The following SMG6 variants were observed in gnomAD, a reference collection of about 807,000 sequenced individuals.
The protein encoded by SMG6 is SMG6 nonsense mediated mRNA decay factor.
In SMG6, 66 loss-of-function variants were observed where a neutral mutation model predicts 142.2. That is an observed-to-expected ratio of 0.46 (90% confidence interval 0.38 to 0.57). SMG6 has a LOEUF of 0.57. SMG6 is among the 20% of genes least tolerant of loss of function. SMG6 has a pLI of 0.00. For synonymous variants in SMG6, 779 were observed against 702.4 expected, an observed-to-expected ratio of 1.11 and a Z score of -1.72; for missense variants, 1,793 against 1,832.0, an observed-to-expected ratio of 0.98 and a Z score of 0.39.
chr17:2,197,424 G>C (rs565768031), intron 10 of SMG6, among the ~76,000 whole-genome samples: 10 of 152,112 alleles, frequency 6.6e-5, no homozygotes, highest in Non-Finnish European at 1.3e-4. Flanking sequence ...TAATTAGCTG[G>C]ATGTGGTAAC....
chr17:2,108,387 C>T (rs1431569794), intron 13 of SMG6, among the ~76,000 whole-genome samples: 3 of 152,174 alleles, frequency 2.0e-5, no homozygotes, highest in Non-Finnish European at 4.4e-5. Context: ...AAGGCCGAGG[C>T]GGGCGGGTAA....
At chr17:2,213,065 G>C (rs2072912161) in intron 10 of SMG6, among the ~76,000 whole-genome samples, 1 of 152,224 alleles carries the variant, frequency 6.6e-6, no homozygotes, top group South Asian at 2.1e-4. Flanking sequence ...GTGAAGGGGT[G>C]TGCTATGAGT....
intron 8 of SMG6, among the ~76,000 whole-genome samples, chr17:2,260,496 A>T (rs2074286953): frequency 6.6e-6 from 1 of 152,220 alleles, no homozygotes; most frequent in African/African-American, 2.4e-5. Flanking sequence ...CAAAAGTCAA[A>T]GCAAACACCT....
chr17:2,252,675 C>T (rs1352685814), intron 8 of SMG6, among the ~76,000 whole-genome samples: 1 of 152,102 alleles, frequency 6.6e-6, no homozygotes, highest in South Asian at 2.1e-4. Flanking sequence ...TGTCTATCAC[C>T]TGAACAGCTT....
chr17:2,205,021 T>A (rs2072635739), intron 10 of SMG6, among the ~76,000 whole-genome samples: 1 of 152,132 alleles, frequency 6.6e-6, no homozygotes, highest in Non-Finnish European at 1.5e-5. Flanking sequence ...AATTTGTCAA[T>A]ACACTTACCG....
intron 2 of SMG6, 41 bp from the exon 3 acceptor site, chr17:2,298,096 A>T: frequency 6.5e-7 from 1 of 1,546,154 alleles, no homozygotes. Context: ...CAAATACACC[A>T]CAGAAAAAGC....
At chr17:2,139,652 C>T (rs1046053310) in intron 13 of SMG6, among the ~76,000 whole-genome samples, 1 of 151,784 alleles carries the variant, frequency 6.6e-6, no homozygotes, top group South Asian at 2.1e-4. Context: ...AACTCCTGAC[C>T]GCAAGTGATC....
chr17:2,276,804 G>A (rs541745504), intron 8 of SMG6, among the ~76,000 whole-genome samples: 1 of 151,156 alleles, frequency 6.6e-6, no homozygotes, highest in African/African-American at 2.4e-5. Flanking sequence ...TTTTTGAGAT[G>A]GAGTTTCCCT....
chr17:2,269,430 C>T (rs940183901), intron 8 of SMG6, among the ~76,000 whole-genome samples: 4 of 146,948 alleles, frequency 2.7e-5, no homozygotes, highest in Non-Finnish European at 6.0e-5. Context: ...ACCTACATAA[C>T]ACACTTTCAA....
intron 10 of SMG6, among the ~76,000 whole-genome samples, chr17:2,198,879 C>T (rs1315786655): frequency 6.7e-6 from 1 of 150,026 alleles, no homozygotes; most frequent in Non-Finnish European, 1.5e-5. Flanking sequence ...GGTGGAGATG[C>T]CCAGTTGCGG....
At chr17:2,138,903 G>C (rs2070386804) in intron 13 of SMG6, among the ~76,000 whole-genome samples, 1 of 152,280 alleles carries the variant, frequency 6.6e-6, no homozygotes, top group African/African-American at 2.4e-5. Context: ...ATTTGAAGTG[G>C]AGGCTTGGGT....
intron 8 of SMG6, among the ~76,000 whole-genome samples, chr17:2,259,673 CAAAAAAAA>C (rs11289865): frequency 2.3e-5 from 2 of 86,178 alleles, no homozygotes; most frequent in African/African-American, 4.7e-5. Context: ...ACCCTGTCTC[CAAAAAAAA>C]AAAAAAAAAA....
intron 12 of SMG6, among the ~76,000 whole-genome samples, chr17:2,177,793 G>C (rs1485786360): frequency 6.6e-6 from 1 of 152,164 alleles, no homozygotes; most frequent in African/African-American, 2.4e-5. Flanking sequence ...CAGAAGCTAG[G>C]CACAAAGAAG....
chr17:2,247,412 A>C (rs2073949938), intron 8 of SMG6, among the ~76,000 whole-genome samples: 1 of 152,204 alleles, frequency 6.6e-6, no homozygotes, highest in Non-Finnish European at 1.5e-5. Flanking sequence ...TAAATTGGTT[A>C]ATTCATTCAT....
intron 10 of SMG6, among the ~76,000 whole-genome samples, chr17:2,192,163 G>A (rs1260408564): frequency 6.6e-6 from 1 of 152,244 alleles, no homozygotes; most frequent in Non-Finnish European, 1.5e-5. Flanking sequence ...AGCAGGGGAT[G>A]GGAGGCAGGC....
chr17:2,244,683 G>A lies in SMG6; in HGVS notation c.2698C>T (p.His900Tyr). ...KRFILSFLHA[H>Y]GKLFTRIGME... ...CCAATCCGGGTAAACAGCTTCCCATGGGCATGGAGAAAACTGAGGATGAAC... is the reference window on the plus strand; with the variant it reads ...CCAATCCGGGTAAACAGCTTCCCATAGGCATGGAGAAAACTGAGGATGAAC... The change falls in exon 9 of 19, where the codon CAT becomes TAT. Residue 900 changes from histidine to tyrosine, a missense_variant. His to Tyr is a moderately conservative substitution (Grantham distance 83, BLOSUM62 2). Transcript: ENST00000263073. The A allele has an allele frequency of 6.2e-7, 1 of 1,613,874 alleles. No homozygotes were observed. Among genetic ancestry groups the A allele is most frequent in the Non-Finnish European group, 8.5e-7 (1 of 1,179,736 alleles).
chr17:2,203,357 T>C (rs2072588278), intron 10 of SMG6, among the ~76,000 whole-genome samples: 1 of 152,172 alleles, frequency 6.6e-6, no homozygotes, highest in Non-Finnish European at 1.5e-5. Flanking sequence ...ACGAGTCCCT[T>C]AGTAATGGGG....
intron 10 of SMG6, among the ~76,000 whole-genome samples, chr17:2,193,053 G>C (rs1328478298): frequency 6.6e-6 from 1 of 152,212 alleles, no homozygotes; most frequent in African/African-American, 2.4e-5. Context: ...ATACAGCCAA[G>C]TGACATGGTG....
At chr17:2,093,446 G>C (rs577154032) in intron 13 of SMG6, among the ~76,000 whole-genome samples, 1 of 152,162 alleles carries the variant, frequency 6.6e-6, no homozygotes, top group East Asian at 1.9e-4. Context: ...AAGACAGAGG[G>C]AATACATATC....
Sources: gnomAD v4.1 joint callset for allele counts (sites outside exome capture counted in the v4.1 genomes callset) on GRCh38, gnomAD v4.1.1 for gene constraint, MANE v1.5 for transcripts, NCBI Gene and HGNC (gene_info 2026-07-23, HGNC 2026-07-21) for gene names.